RASSF3: variants seen among roughly 807,000 people sequenced by gnomAD.
RASSF3 encodes the protein Ras association domain family member 3.
RASSF3 carries 19 observed loss-of-function variants against 19.9 expected under a neutral mutation model. That is an observed-to-expected ratio of 0.96 (90% CI 0.67 to 1.40). The LOEUF (loss-of-function observed/expected upper bound fraction) is 1.40, where lower values mean the gene tolerates loss of function less well. Ranked by LOEUF, RASSF3 falls within the 40% of genes most tolerant of loss-of-function variation. The probability of loss-of-function intolerance (pLI) is 0.00; values close to 1 mark genes in which losing one functional copy is unlikely to be tolerated. For synonymous variants in RASSF3, 110 were observed against 104.2 expected (o/e 1.06, Z -0.34); for missense variants, 306 against 289.8 (o/e 1.06, Z -0.41).
chr12:64,683,263 T>TA (rs1873204768), intron 1 of RASSF3, among the ~76,000 whole-genome samples: 1 of 152,148 alleles, frequency 6.6e-6, no homozygotes, highest in South Asian at 2.1e-4. Context: ...CCTCCTTGAT[T>TA]AGGTTGTTGG....
chr12:64,519,581 T>C (rs947219290), intron 1 of RASSF3, among the ~76,000 whole-genome samples: 4 of 152,128 alleles, frequency 2.6e-5, no homozygotes, highest in Non-Finnish European at 5.9e-5. Context: ...ACTGGAAATC[T>C]GTGCATTTTA....
At chr12:64,543,937 T>C (rs1415912947), downstream of RASSF3, among the ~76,000 whole-genome samples, 2 of 151,962 alleles carry the variant, frequency 1.3e-5, no homozygotes, top group Non-Finnish European at 2.9e-5. Flanking sequence ...AACGCACCAA[T>C]CAGCAGCCTC....
chr12:64,639,529 A>C (rs1011407216), intron 1 of RASSF3, among the ~76,000 whole-genome samples: 19 of 152,184 alleles, frequency 1.2e-4, no homozygotes, highest in Admixed American at 2.6e-4. Flanking sequence ...AAAGTGATCA[A>C]GTAGAAAGGA....
At chr12:64,620,460 A>G (rs919602773) in intron 1 of RASSF3, among the ~76,000 whole-genome samples, 20 of 152,340 alleles carry the variant, frequency 1.3e-4, no homozygotes, top group African/African-American at 4.1e-4. Context: ...ATATATACCC[A>G]TAAGTAACAG....
intron 2 of RASSF3, among the ~76,000 whole-genome samples, chr12:64,600,935 A>G (rs1214117807): frequency 2.6e-5 from 4 of 152,140 alleles, no homozygotes; most frequent in Non-Finnish European, 4.4e-5. Context: ...ATGTCATTGT[A>G]ACCTTCCATA....
At position 64,593,442 on chromosome 12, in the gene RASSF3, A is replaced by G. The variant is rs1158452735; in HGVS notation, c.294+51737A>G. Among the ~76,000 whole-genome samples, 7 of 151,996 alleles carry G rather than the reference A, an allele frequency of 4.6e-5. No homozygotes were observed. The East Asian group carries it at 1.4e-3, about 29-fold the overall frequency. The stretch of plus-strand genomic sequence containing the variant: ...TTGCCATGTTGCCCAGCTGGTCTTG[A>G]ACTCCTGGCCTGAAATTATCTGCCC... On this transcript the variant is annotated intron_variant, in intron 2 of 5. Transcript: ENST00000637125.
Position 64,680,704 on chromosome 12 carries a change from C to T in RASSF3, c.112-4083C>T, listed in dbSNP as rs1873093478. ...TCTCGGCTTACTGCGATCTCCGCCT[C>T]CCGGTTTCAAGCGATTCTCCTACCT... On this transcript the variant is annotated intron_variant, in intron 1 of 4. Coordinates refer to ENST00000542104, the MANE Select transcript of RASSF3 (RefSeq NM_178169.4). Among the ~76,000 whole-genome samples, 3 of 151,926 alleles carry T rather than the reference C, an allele frequency of 2.0e-5. No homozygotes were observed. In the South Asian group the frequency reaches 6.2e-4, roughly 32 times the overall value.
At chr12:64,643,711 A>G (rs995734214) in intron 1 of RASSF3, among the ~76,000 whole-genome samples, 4 of 152,032 alleles carry the variant, frequency 2.6e-5, no homozygotes, top group East Asian at 1.9e-4. Context: ...CTGTCCTACA[A>G]CTCTTCTGTT....
intron 1 of RASSF3, among the ~76,000 whole-genome samples, chr12:64,670,457 G>C (rs1872663788): frequency 6.7e-6 from 1 of 148,478 alleles, no homozygotes. Context: ...TTTTTATGCA[G>C]AAAGAGAAAC....
chr12:64,603,506 G>A (rs978214448), intron 2 of RASSF3, among the ~76,000 whole-genome samples: 5 of 152,126 alleles, frequency 3.3e-5, no homozygotes, highest in Non-Finnish European at 5.9e-5. Context: ...TCTAGTGATG[G>A]AAAAGCCATT....
In RASSF3 at chr12:64,599,558, T is replaced by C. The variant is rs7139053; in HGVS notation, c.294+57853T>C. ...GAAACCCTTGTGGTTTCCTCTGAAG[T>C]TGTCTGACACTCCTCTCACCCTAGG... On this transcript the variant is annotated intron_variant, in intron 2 of 5. Transcript: ENST00000637125. 2.1e-3 allele frequency among the ~76,000 whole-genome samples: 316 copies of C among 152,276 alleles called. 2 individuals are homozygous for C. The highest frequency in any genetic ancestry group is 7.3e-3 in the African/African-American group (305 of 41,552).
chr12:64,565,546 C>T (rs1869415209), intron 2 of RASSF3, among the ~76,000 whole-genome samples: 1 of 152,212 alleles, frequency 6.6e-6, no homozygotes, highest in South Asian at 2.1e-4. Flanking sequence ...AACCCCGTCT[C>T]TACTAAAAAT....
Position 64,694,882 on chromosome 12 carries a change from A to G in RASSF3, c.687A>G (p.Glu229=). The change falls in exon 5 of 5, where the codon GAA becomes GAG. Residue 229 remains glutamate (E), a synonymous_variant. Coordinates refer to ENST00000542104, the MANE Select transcript of RASSF3 (RefSeq NM_178169.4). ...RYTAYRQKLE[E]ALREVWKPD is the part of the protein sequence containing the mutation. Reference sequence around the variant, plus strand: ...CAGCCTACAGGCAGAAGCTGGAAGAAGCCCTCCGTGAGGTGTGGAAGCCTG... The same window carrying G: ...CAGCCTACAGGCAGAAGCTGGAAGAGGCCCTCCGTGAGGTGTGGAAGCCTG... 6.2e-7 allele frequency: 1 copy of G among 1,614,230 alleles called. No homozygotes were observed. Among genetic ancestry groups the G allele is most frequent in the Non-Finnish European group, 8.5e-7 (1 of 1,180,038 alleles).
At chr12:64,689,804 T>TTTTTTTTTTTTTTTTTTTTGTTG (rs11272662) in intron 3 of RASSF3, among the ~76,000 whole-genome samples, 1 of 146,316 alleles carries the variant, frequency 6.8e-6, no homozygotes. Context: ...TTTTTTTTTT[T>TTTTTTTTTTTTTTTTTTTTGTTG]GAGACGGAGT....
At chr12:64,654,643 C>CGGGG (rs529028953) in intron 1 of RASSF3, 1 of 28,776 alleles carries the variant, frequency 3.5e-5, no homozygotes, top group African/African-American at 1.4e-4. Flanking sequence ...TGTTTCTTTG[C>CGGGG]GGGGGGGGGG....
At chr12:64,541,716 T>A, downstream of RASSF3, 2 of 398,588 alleles carry the variant, frequency 5.0e-6, no homozygotes, top group East Asian at 7.1e-5. Flanking sequence ...GTAGGCACTA[T>A]TGGTGCTTGT....
At chr12:64,610,825 GTC>G (rs1870327869) in intron 1 of RASSF3, 82 bp downstream of exon 1, 2 of 795,146 alleles carry the variant, frequency 2.5e-6, no homozygotes, top group African/African-American at 3.6e-5. Context: ...GCCTCCACGT[GTC>G]TCTGCGGGGC....
At chr12:64,535,122 T>A (rs796395823) in intron 1 of RASSF3, among the ~76,000 whole-genome samples, 3 of 152,014 alleles carry the variant, frequency 2.0e-5, no homozygotes, top group African/African-American at 7.2e-5. Context: ...TAGATGAAAT[T>A]CAATAGATGG....
At chr12:64,610,337 C>T (rs551891061), upstream of RASSF3, among the ~76,000 whole-genome samples, 234 of 150,434 alleles carry the variant, frequency 1.6e-3, 1 homozygote, top group Non-Finnish European at 2.7e-3. Flanking sequence ...GGGCTCCCCC[C>T]ACCTGCGGGC....
Sources: allele counts gnomAD v4.1 joint callset (sites outside exome capture counted in the v4.1 genomes callset), GRCh38; gene constraint gnomAD v4.1.1; transcripts MANE v1.5; gene names NCBI Gene and HGNC (gene_info 2026-07-23, HGNC 2026-07-21).